The following TMEM163 variants were observed in gnomAD, a reference collection of about 807,000 sequenced individuals.
The protein encoded by TMEM163 is transmembrane protein 163.
Under a neutral mutation model 29.3 loss-of-function variants are expected in TMEM163, and 17 were observed. The observed-to-expected ratio is 0.58, with a 90% confidence interval of 0.40 to 0.87. The LOEUF is 0.87. Among genes scored for constraint, TMEM163 ranks in the 40% least tolerant of loss-of-function variants. The pLI, the probability that TMEM163 is intolerant of heterozygous loss-of-function variation, is 0.00. For missense variants in TMEM163, 303 were observed against 381.5 expected, an observed-to-expected ratio of 0.79 and a Z score of 1.71; for synonymous variants, 157 against 160.6, an observed-to-expected ratio of 0.98 and a Z score of 0.17.
chr2:134,521,855 C>G (rs1408418650), intron 4 of TMEM163, among the ~76,000 whole-genome samples: 1 of 152,156 alleles, frequency 6.6e-6, no homozygotes, highest in Non-Finnish European at 1.5e-5. Flanking sequence ...GGGAGACACT[C>G]TGCCTACACT....
chr2:134,607,119 A>G (rs1386681243), intron 2 of TMEM163, among the ~76,000 whole-genome samples: 2 of 132,424 alleles, frequency 1.5e-5, no homozygotes, highest in African/African-American at 6.0e-5. Context: ...AGACCCCGAG[A>G]ACTGTGCTGG....
intron 2 of TMEM163, among the ~76,000 whole-genome samples, chr2:134,597,021 G>T (rs574321678): frequency 6.6e-6 from 1 of 152,110 alleles, no homozygotes; most frequent in Non-Finnish European, 1.5e-5. Context: ...GGGCTGAGAC[G>T]ACGGGGTTTT....
chr2:134,572,777 A>G (rs1681462985), intron 2 of TMEM163, among the ~76,000 whole-genome samples: 1 of 152,212 alleles, frequency 6.6e-6, no homozygotes, highest in Non-Finnish European at 1.5e-5. Flanking sequence ...ATGATCTGAA[A>G]TGAGCTCCAC....
intron 2 of TMEM163, among the ~76,000 whole-genome samples, chr2:134,648,348 T>TTCTCTTCTCTTCTCTTCTCTTCTCTTC (rs1558977053): frequency 4.6e-5 from 7 of 152,040 alleles, no homozygotes; most frequent in African/African-American, 1.2e-4. Flanking sequence ...TTCTCTTCTC[T>TTCTCTTCTCTTCTCTTCTCTTCTCTTC]GCTGTGTGGA....
At chr2:134,658,737 A>T (rs965527362) in intron 2 of TMEM163, among the ~76,000 whole-genome samples, 1 of 151,980 alleles carries the variant, frequency 6.6e-6, no homozygotes, top group Non-Finnish European at 1.5e-5. Context: ...AGCTGGGACT[A>T]CAGGCGCCCG....
chr2:134,661,114 T>C, intron 2 of TMEM163, among the ~76,000 whole-genome samples: 1 of 151,788 alleles, frequency 6.6e-6, no homozygotes, highest in Admixed American at 6.6e-5. Flanking sequence ...CACACATGCT[T>C]ACGTACTCTC....
At chr2:134,513,774 C>A (rs1340875775) in intron 4 of TMEM163, among the ~76,000 whole-genome samples, 1 of 152,182 alleles carries the variant, frequency 6.6e-6, no homozygotes, top group Non-Finnish European at 1.5e-5. Context: ...CCACCTGGAA[C>A]CCAGGCCCCT....
intron 3 of TMEM163, 131 bp from the exon 4 acceptor site, chr2:134,550,792 T>A: frequency 1.2e-6 from 1 of 839,602 alleles, no homozygotes; most frequent in Non-Finnish European, 1.9e-6. Flanking sequence ...TCTCCCATCA[T>A]TACGACGCAG....
intron 2 of TMEM163, among the ~76,000 whole-genome samples, chr2:134,705,962 C>T (rs141015812): frequency 0.018 from 2,680 of 152,302 alleles, 84 homozygotes; most frequent in African/African-American, 0.061. Context: ...CACGGCTGTG[C>T]GACAGGGACA....
chr2:134,505,349 G>A (rs1679798839), intron 4 of TMEM163, among the ~76,000 whole-genome samples: 1 of 151,278 alleles, frequency 6.6e-6, no homozygotes, highest in Non-Finnish European at 1.5e-5. Context: ...AAGCTCCGCA[G>A]GCAATTCTTG....
chr2:134,713,653 G>C (rs547726137), intron 1 of TMEM163: 1 of 483,846 alleles, frequency 2.1e-6, no homozygotes, highest in South Asian at 1.5e-5. Flanking sequence ...CTTGGCCTCA[G>C]GTAGATGCTG....
intron 2 of TMEM163, among the ~76,000 whole-genome samples, chr2:134,628,106 A>G (rs1452668873): frequency 6.6e-6 from 1 of 152,226 alleles, no homozygotes; most frequent in Non-Finnish European, 1.5e-5. Context: ...CTTGGGGACA[A>G]TATTACAAAA....
intron 6 of TMEM163, chr2:134,458,901 T>G (rs1328767085): frequency 6.6e-6 from 1 of 152,004 alleles, no homozygotes; most frequent in Non-Finnish European, 1.5e-5. Context: ...CTGGAGCTAC[T>G]AGATAGTGAC....
At chr2:134,604,580 C>T (rs531401776) in intron 2 of TMEM163, among the ~76,000 whole-genome samples, 2 of 152,012 alleles carry the variant, frequency 1.3e-5, no homozygotes, top group Admixed American at 1.3e-4. Context: ...AGGGGTGGGA[C>T]TGGGATGGGC....
chr2:134,698,844 A>G (rs1684633250), intron 2 of TMEM163, among the ~76,000 whole-genome samples: 1 of 152,226 alleles, frequency 6.6e-6, no homozygotes, highest in African/African-American at 2.4e-5. Flanking sequence ...TAAAATGCAC[A>G]TCCTTAGGAA....
chr2:134,549,025 CCA>C (rs1680850391), intron 4 of TMEM163, among the ~76,000 whole-genome samples: 1 of 150,052 alleles, frequency 6.7e-6, no homozygotes, highest in East Asian at 1.9e-4. Context: ...TTTTTTTCAA[CCA>C]CAAATTCACT....
At position 134,461,039 on chromosome 2, in the gene TMEM163, G is replaced by A. The variant is rs1158208024; in HGVS notation, c.668-2866C>T. Among the ~76,000 whole-genome samples, 6 of 152,296 alleles carry A rather than the reference G, an allele frequency of 3.9e-5. No homozygotes were observed. The East Asian group carries it at 7.7e-4, about 20-fold the overall frequency. ...CCAAATGTCAGGGCCTTCCCAATCC[G>A]TCATTCCACATGAAGAGCCCTGAGC... On this transcript the variant is annotated intron_variant, in intron 6 of 7. Coordinates refer to ENST00000281924, the MANE Select transcript of TMEM163 (RefSeq NM_030923.5).
At chr2:134,505,397 T>C (rs1296230793) in intron 4 of TMEM163, among the ~76,000 whole-genome samples, 1 of 151,914 alleles carries the variant, frequency 6.6e-6, no homozygotes, top group Non-Finnish European at 1.5e-5. Flanking sequence ...TAGAGTCAGG[T>C]GGGGCCCTGT....
chr2:134,518,857 G>A (rs1308178390), intron 4 of TMEM163, among the ~76,000 whole-genome samples: 6 of 152,148 alleles, frequency 3.9e-5, no homozygotes, highest in African/African-American at 1.4e-4. Flanking sequence ...CCAGTCCCAG[G>A]CAGGGGGTGT....
Sources: allele counts gnomAD v4.1 joint callset (sites outside exome capture counted in the v4.1 genomes callset), GRCh38; gene constraint gnomAD v4.1.1; transcripts MANE v1.5; gene names NCBI Gene and HGNC (gene_info 2026-07-23, HGNC 2026-07-21).